The following CRB1 variants were observed in gnomAD, a reference collection of about 807,000 sequenced individuals.
CRB1 encodes the protein crumbs cell polarity complex component 1.
A neutral mutation model predicts 120.0 loss-of-function variants in CRB1; 83 were observed. That is an observed-to-expected ratio of 0.69 (90% CI 0.58 to 0.83). CRB1 has a LOEUF of 0.83. CRB1 is among the 40% of genes least tolerant of loss of function. CRB1 has a pLI of 0.00. For synonymous variants in CRB1, 625 were observed against 612.5 expected (o/e 1.02, Z -0.30); for missense variants, 1,699 against 1,687.6 (o/e 1.01, Z -0.12).
chr1:197,351,403 G>T (rs1660098899), intron 4 of CRB1, among the ~76,000 whole-genome samples: 1 of 147,030 alleles, frequency 6.8e-6, no homozygotes, highest in Non-Finnish European at 1.5e-5. Context: ...GAAAAGAAAA[G>T]AGAAAAAAAG....
At chr1:197,315,454 T>C (rs1657783243) in intron 1 of CRB1, among the ~76,000 whole-genome samples, 1 of 152,128 alleles carries the variant, frequency 6.6e-6, no homozygotes, top group Non-Finnish European at 1.5e-5. Flanking sequence ...TTCTCTCAGC[T>C]CCAAAGCTGT....
At chr1:197,438,206 C>CTTTATTGA in intron 9 of CRB1, 1 of 327,328 alleles carries the variant, frequency 3.1e-6, no homozygotes, top group East Asian at 7.8e-5. Context: ...TTCCTATGGC[C>CTTTATTGA]TTTATTGATT....
At chr1:197,417,690 A>G (rs1431686689) in intron 5 of CRB1, among the ~76,000 whole-genome samples, 1 of 152,140 alleles carries the variant, frequency 6.6e-6, no homozygotes, top group Non-Finnish European at 1.5e-5. Context: ...ACAAATACCA[A>G]CTTTAAACAC....
At chr1:197,352,217 A>G (rs1298830889) in intron 4 of CRB1, among the ~76,000 whole-genome samples, 1 of 152,252 alleles carries the variant, frequency 6.6e-6, no homozygotes, top group Non-Finnish European at 1.5e-5. Context: ...ACTATTGAAT[A>G]CAGTCTTGAC....
chr1:197,389,392 A>T (rs1209313239), intron 5 of CRB1, among the ~76,000 whole-genome samples: 1 of 152,192 alleles, frequency 6.6e-6, no homozygotes, highest in Non-Finnish European at 1.5e-5. Flanking sequence ...CATATGCTAC[A>T]ACATAGATGA....
chr1:197,364,013 T>C (rs1660928481), intron 5 of CRB1: 3 of 1,386,582 alleles, frequency 2.2e-6, no homozygotes, highest in Admixed American at 1.7e-5. Context: ...ATCTACAGTA[T>C]GGAAATGGCT....
At chr1:197,394,481 G>A (rs1662673439) in intron 5 of CRB1, among the ~76,000 whole-genome samples, 1 of 151,904 alleles carries the variant, frequency 6.6e-6, no homozygotes, top group African/African-American at 2.4e-5. Context: ...CCCCCATGAT[G>A]TTCAAGGGTC....
intron 4 of CRB1, among the ~76,000 whole-genome samples, chr1:197,351,777 A>C (rs1660125247): frequency 6.6e-6 from 1 of 152,156 alleles, no homozygotes; most frequent in Non-Finnish European, 1.5e-5. Flanking sequence ...GTGGGGAGTG[A>C]GAAAAGGGCA....
intron 11 of CRB1, among the ~76,000 whole-genome samples, chr1:197,475,689 C>A (rs1295263853): frequency 6.6e-6 from 1 of 152,128 alleles, no homozygotes; most frequent in Non-Finnish European, 1.5e-5. Context: ...CATTTCTTAA[C>A]AAGACCCTTC....
intron 5 of CRB1, among the ~76,000 whole-genome samples, chr1:197,413,047 G>A (rs1168508481): frequency 2.0e-5 from 3 of 152,224 alleles, no homozygotes; most frequent in East Asian, 3.9e-4. Context: ...AAGAGACAAG[G>A]TCTCAACCTA....
intron 2 of CRB1, among the ~76,000 whole-genome samples, chr1:197,332,982 A>C (rs1209692663): frequency 6.6e-6 from 1 of 152,192 alleles, no homozygotes; most frequent in Non-Finnish European, 1.5e-5. Flanking sequence ...GATGTGCTGG[A>C]GTGCTCTGCC....
In CRB1 at chr1:197,477,992, A is replaced by G. The variant is rs1667275514; in HGVS notation, c.*113A>G. On this transcript the variant is annotated 3_prime_UTR_variant, in exon 12 of 12. Transcript: ENST00000367400. ...AATCTGCAACTGGGATTACACTGGA[A>G]CTACAGGAATGATTCCTTTGACCAC... The G allele has an allele frequency of 1.9e-6, 2 of 1,070,670 alleles. No individual in the cohort carries two copies. The allele number at this position is 1,070,670 out of a possible 1,614,324, so 66.3% of individuals were successfully genotyped here.
chr1:197,336,769 T>A (rs372139950), intron 2 of CRB1, among the ~76,000 whole-genome samples: 1 of 152,176 alleles, frequency 6.6e-6, no homozygotes, highest in African/African-American at 2.4e-5. Context: ...GGATCAGGAA[T>A]GTAAACAACA....
At chr1:197,463,786 C>T (rs991116135) in intron 11 of CRB1, among the ~76,000 whole-genome samples, 1 of 152,124 alleles carries the variant, frequency 6.6e-6, no homozygotes, top group Non-Finnish European at 1.5e-5. Context: ...TATGTTCCAC[C>T]TTTTAGTTCT....
the CRB1 span, among the ~76,000 whole-genome samples, chr1:197,228,513 C>T: frequency 1.3e-5 from 2 of 152,166 alleles, no homozygotes; most frequent in African/African-American, 2.4e-5. Context: ...TCCTCATCTC[C>T]ATCTGAGACC....
chr1:197,240,253 T>C, the CRB1 span, among the ~76,000 whole-genome samples: 1 of 152,296 alleles, frequency 6.6e-6, no homozygotes, highest in African/African-American at 2.4e-5. Flanking sequence ...AGTTGTGGGA[T>C]ACATGTGCAG....
At chr1:197,276,305 A>G (rs1258899311) in intron 1 of CRB1, among the ~76,000 whole-genome samples, 2 of 151,930 alleles carry the variant, frequency 1.3e-5, no homozygotes, top group Non-Finnish European at 2.9e-5. Context: ...AGAGGCAACC[A>G]ATGTAAAGTT....
At position 197,478,094 on chromosome 1, in the gene CRB1, G is replaced by T. The variant is rs1169390652; in HGVS notation, c.*215G>T. Reference sequence around the variant, plus strand: ...TATCAGCCAATTGCAAAAAAAGTCTGTGCCAGTAATTTCAGCCTTATAATT... The same window carrying T: ...TATCAGCCAATTGCAAAAAAAGTCTTTGCCAGTAATTTCAGCCTTATAATT... On this transcript the variant is annotated 3_prime_UTR_variant, in exon 12 of 12. Coordinates refer to ENST00000367400, the MANE Select transcript of CRB1 (RefSeq NM_201253.3). 1 of 582,916 alleles carries T rather than the reference G, an allele frequency of 1.7e-6. No homozygotes were observed. Among genetic ancestry groups the T allele is most frequent in the Non-Finnish European group, 3.0e-6 (1 of 328,308 alleles). 36.1% of individuals were successfully genotyped at this position (582,916 alleles called of 1,614,324 possible). A position where few individuals can be genotyped will look rare whatever the true frequency, so the allele number is the denominator to read the frequency against.
At chr1:197,452,067 G>T (rs1035471730) in intron 11 of CRB1, among the ~76,000 whole-genome samples, 1 of 152,172 alleles carries the variant, frequency 6.6e-6, no homozygotes, top group Non-Finnish European at 1.5e-5. Context: ...AGTTAAAAAG[G>T]ATTTCGGGAA....
Sources: gnomAD v4.1 joint callset for allele counts (sites outside exome capture counted in the v4.1 genomes callset) on GRCh38, gnomAD v4.1.1 for gene constraint, MANE v1.5 for transcripts, NCBI Gene and HGNC (gene_info 2026-07-23, HGNC 2026-07-21) for gene names.